Variants in EIF1B observed in about 807,000 individuals in gnomAD.
EIF1B encodes the protein eukaryotic translation initiation factor 1B.
In EIF1B, 5 loss-of-function variants were observed where a neutral mutation model predicts 14.8. That is an observed-to-expected ratio of 0.34 (90% CI 0.18 to 0.71). The LOEUF (loss-of-function observed/expected upper bound fraction) is 0.71, where lower values mean the gene tolerates loss of function less well. Among genes scored for constraint, EIF1B ranks in the 30% least tolerant of loss-of-function variants. The pLI, the probability that EIF1B is intolerant of heterozygous loss-of-function variation, is 0.64. For missense variants in EIF1B, 56 were observed against 134.0 expected (o/e 0.42, Z 2.87); for synonymous variants, 45 against 45.8 (o/e 0.98, Z 0.07).
intron 1 of EIF1B, 170 bp from the exon 2 acceptor site, chr3:40,310,723 G>T (rs926574771): frequency 1.0e-5 from 6 of 586,284 alleles, no homozygotes; most frequent in Non-Finnish European, 1.7e-5. Flanking sequence ...TATCTTGGGG[G>T]TTTTATTAAT....
intron 1 of EIF1B, among the ~76,000 whole-genome samples, chr3:40,310,477 C>CT (rs11456122): frequency 0.37 from 55,906 of 150,782 alleles, 10,642 homozygotes; most frequent in East Asian, 0.62. Context: ...ATGTAATCTA[C>CT]TTTTTTTTTG....
intron 1 of EIF1B, 77 bp downstream of exon 1, chr3:40,310,049 T>C: frequency 6.3e-7 from 1 of 1,583,084 alleles, no homozygotes; most frequent in Non-Finnish European, 8.6e-7. Flanking sequence ...CCACCGCCCC[T>C]AGGGGCCCCC....
In EIF1B at chr3:40,312,264, G is replaced by T; in HGVS notation, c.*250G>T. 1 of 429,936 alleles carries T rather than the reference G, an allele frequency of 2.3e-6. No individual in the cohort carries two copies. The highest frequency in any genetic ancestry group is 4.1e-6 in the Non-Finnish European group (1 of 244,024). The allele number at this position is 429,936 out of a possible 1,614,324, so 26.6% of individuals were successfully genotyped here. A position where few individuals can be genotyped will look rare whatever the true frequency, so the allele number is the denominator to read the frequency against. ...GTTTCCAATGGAAAATGTTTTGAGTGTTTATTGTTCAGTTTATTACGTTTC... is the reference window on the plus strand; with the variant it reads ...GTTTCCAATGGAAAATGTTTTGAGTTTTTATTGTTCAGTTTATTACGTTTC... On this transcript the variant is annotated 3_prime_UTR_variant, in exon 4 of 4. Transcript: ENST00000232905.
At position 40,311,546 on chromosome 3, in the gene EIF1B, A is replaced by G; in HGVS notation, c.272A>G (p.Lys91Arg). 1.2e-6 allele frequency: 2 copies of G among 1,613,828 alleles called. No individual in the cohort carries two copies. The highest frequency in any genetic ancestry group is 1.7e-6 in the Non-Finnish European group (2 of 1,179,854). ...EVIQLQGDQR[K>R]NICQFLLEVG... ...ATTCAGCTTCAAGGTGACCAAAGAA[A>G]AAACATCTGCCAGTTTCTCTTGGAG... The change falls in exon 3 of 4, where the codon AAA (lysine) becomes AGA (arginine). Residue 91 changes from lysine (K) to arginine (R), a missense_variant. Around this residue, in one of 3 missense-constraint regions of EIF1B, gnomAD observed 35 missense variants for 82.9 expected, o/e 0.42. Transcript: ENST00000232905.
At chr3:40,310,037 G>T in intron 1 of EIF1B, 65 bp downstream of exon 1, 1 of 1,602,586 alleles carries the variant, frequency 6.2e-7, no homozygotes. Context: ...TTGCCCGCCT[G>T]GCCACCGCCC....
chr3:40,311,641 T>C (rs781739805), intron 3 of EIF1B, 70 bp downstream of exon 3: 85 of 1,259,852 alleles, frequency 6.7e-5, no homozygotes, highest in Non-Finnish European at 9.2e-5. Context: ...GCAACATGAT[T>C]TGTTTTCTAC....
chr3:40,309,709 G>C lies in EIF1B; in HGVS notation c.-233G>C. ...AGTCTCCATCGGCCATTTTGTGCGAGAAGCCGCAGCGCCGCCTCTTCTCTC... is the reference window on the plus strand; with the variant it reads ...AGTCTCCATCGGCCATTTTGTGCGACAAGCCGCAGCGCCGCCTCTTCTCTC... On this transcript the variant is annotated 5_prime_UTR_variant, in exon 1 of 4. Coordinates refer to ENST00000232905, the MANE Select transcript of EIF1B (RefSeq NM_005875.3). 1 of 555,688 alleles carries C rather than the reference G, an allele frequency of 1.8e-6. No homozygotes were observed. Among genetic ancestry groups the C allele is most frequent in the Non-Finnish European group, 3.2e-6 (1 of 313,618 alleles). 34.4% of individuals were successfully genotyped at this position (555,688 alleles called of 1,614,324 possible). A position where few individuals can be genotyped will look rare whatever the true frequency, so the allele number is the denominator to read the frequency against.
chr3:40,310,593 T>G (rs1460934708), intron 1 of EIF1B: 3 of 245,684 alleles, frequency 1.2e-5, no homozygotes, highest in African/African-American at 2.2e-5. Flanking sequence ...GGCTACAATA[T>G]TAAGGTTTTC....
At position 40,310,068 on chromosome 3, in the gene EIF1B, C is replaced by G. The variant is rs576675109; in HGVS notation, c.31+96C>G. On this transcript the variant is annotated intron_variant, in intron 1 of 3. Transcript: ENST00000232905. ...CGCCCCTAGGGGCCCCCTTTCTGCCCTTCCCGCACCCCTAGTGGGGCTTTG... is the reference window on the plus strand; with the variant it reads ...CGCCCCTAGGGGCCCCCTTTCTGCCGTTCCCGCACCCCTAGTGGGGCTTTG... 2,065 of 1,509,990 alleles carry G rather than the reference C, an allele frequency of 1.4e-3. 29 individuals carry two copies. In the African/African-American group the frequency reaches 0.024, roughly 17 times the overall value. 93.5% of individuals were successfully genotyped at this position (1,509,990 alleles called of 1,614,324 possible). A position where few individuals can be genotyped will look rare whatever the true frequency, so the allele number is the denominator to read the frequency against.
At chr3:40,311,247 G>T in intron 2 of EIF1B, 191 bp downstream of exon 2, 1 of 610,862 alleles carries the variant, frequency 1.6e-6, no homozygotes. Flanking sequence ...GATTCGCGTT[G>T]CTTTTAAATA....
At chr3:40,310,782 G>A (rs767378110) in intron 1 of EIF1B, 111 bp from the exon 2 acceptor site, 11 of 1,233,108 alleles carry the variant, frequency 8.9e-6, no homozygotes, top group Non-Finnish European at 1.2e-5. Flanking sequence ...AAAGGCACTA[G>A]AACCTTCATT....
chr3:40,310,053 G>A, intron 1 of EIF1B, 81 bp downstream of exon 1: 1 of 1,583,544 alleles, frequency 6.3e-7, no homozygotes, highest in Non-Finnish European at 8.6e-7. Flanking sequence ...CGCCCCTAGG[G>A]GCCCCCTTTC....
intron 1 of EIF1B, 47 bp from the exon 2 acceptor site, chr3:40,310,846 A>C: frequency 6.6e-7 from 1 of 1,516,616 alleles, no homozygotes; most frequent in Non-Finnish European, 8.8e-7. Context: ...CTTCTTAAAA[A>C]ATATTTTTCT....
Position 40,309,736 on chromosome 3 carries a change from C to T in EIF1B, c.-206C>T, listed in dbSNP as rs930776962. On this transcript the variant is annotated 5_prime_UTR_variant, in exon 1 of 4. Transcript: ENST00000232905. ...AGCCGCAGCGCCGCCTCTTCTCTCG[C>T]GCCCTCGCCTCTTCCTCCGCCTCCT... is the stretch of plus-strand genomic sequence containing the variant. 19 of 592,112 alleles carry T rather than the reference C, an allele frequency of 3.2e-5. No individual in the cohort carries two copies. Among genetic ancestry groups the T allele is most frequent in the African/African-American group, 5.6e-5 (3 of 53,270 alleles). 36.7% of individuals were successfully genotyped at this position (592,112 alleles called of 1,614,324 possible).
Position 40,310,071 on chromosome 3 carries a change from C to A in EIF1B, c.31+99C>A, listed in dbSNP as rs144416524. 3,998 of 1,504,882 alleles carry A rather than the reference C, an allele frequency of 2.7e-3. 123 individuals carry two copies. In the African/African-American group the frequency reaches 0.046, roughly 17 times the overall value. 93.2% of individuals were successfully genotyped at this position (1,504,882 alleles called of 1,614,324 possible). On this transcript the variant is annotated intron_variant, in intron 1 of 3. Coordinates refer to ENST00000232905, the MANE Select transcript of EIF1B (RefSeq NM_005875.3). ...CCCTAGGGGCCCCCTTTCTGCCCTT[C>A]CCGCACCCCTAGTGGGGCTTTGTCT...
At chr3:40,311,898 C>A in intron 3 of EIF1B, 72 bp from the exon 4 acceptor site, 1 of 1,193,004 alleles carries the variant, frequency 8.4e-7, no homozygotes. Context: ...TTTTTAATTA[C>A]TCTTCCATGT....
intron 2 of EIF1B, 69 bp downstream of exon 2, chr3:40,311,125 C>G: frequency 7.0e-7 from 1 of 1,434,348 alleles, no homozygotes; most frequent in Non-Finnish European, 9.5e-7. Context: ...TGATTCACAC[C>G]TTTATATCGG....
intron 2 of EIF1B, 70 bp downstream of exon 2, chr3:40,311,126 T>G: frequency 7.0e-7 from 1 of 1,425,234 alleles, no homozygotes; most frequent in South Asian, 1.4e-5. Flanking sequence ...GATTCACACC[T>G]TTATATCGGC....
chr3:40,310,085 G>A, intron 1 of EIF1B, 113 bp downstream of exon 1: 2 of 1,431,610 alleles, frequency 1.4e-6, no homozygotes, highest in South Asian at 1.2e-5. Context: ...CACCCCTAGT[G>A]GGGCTTTGTC....
Sources: gnomAD v4.1 joint callset for allele counts (sites outside exome capture counted in the v4.1 genomes callset) on GRCh38, gnomAD v4.1.1 for gene constraint, gnomAD v4.1.1 regional missense constraint, MANE v1.5 for transcripts, NCBI Gene and HGNC (gene_info 2026-07-23, HGNC 2026-07-21) for gene names.